Variants in CLTCL1 observed in about 807,000 individuals in gnomAD.
CLTCL1 encodes the protein clathrin heavy chain like 1.
A neutral mutation model predicts 190.0 loss-of-function variants in CLTCL1; 159 were observed. The observed-to-expected ratio is 0.84, with a 90% confidence interval of 0.74 to 0.95. The LOEUF (loss-of-function observed/expected upper bound fraction) is 0.95, where lower values mean the gene tolerates loss of function less well. Ranked by LOEUF, CLTCL1 falls within the 40% of genes least tolerant of loss-of-function variation. The pLI, the probability that CLTCL1 is intolerant of heterozygous loss-of-function variation, is 0.00. For missense variants in CLTCL1, 1,878 were observed against 2,033.4 expected, an observed-to-expected ratio of 0.92 and a Z score of 1.47; for synonymous variants, 752 against 769.6, an observed-to-expected ratio of 0.98 and a Z score of 0.38.
chr22:19,224,976 A>C (rs2085693774), intron 13 of CLTCL1, among the ~76,000 whole-genome samples: 1 of 152,194 alleles, frequency 6.6e-6, no homozygotes, highest in African/African-American at 2.4e-5. Context: ...ATGTCCAAGA[A>C]GGGGAAAGGA....
chr22:19,229,297 G>A (rs1259962649), intron 11 of CLTCL1, among the ~76,000 whole-genome samples: 1 of 152,188 alleles, frequency 6.6e-6, no homozygotes, highest in Non-Finnish European at 1.5e-5. Flanking sequence ...CAACATGGAT[G>A]AACCTTGAAA....
At chr22:19,208,735 A>G (rs2085127193) in intron 21 of CLTCL1, among the ~76,000 whole-genome samples, 187 bp downstream of exon 21, 1 of 151,934 alleles carries the variant, frequency 6.6e-6, no homozygotes, top group Non-Finnish European at 1.5e-5. Flanking sequence ...AGTCAACTAA[A>G]GAGCTGGTGT....
intron 24 of CLTCL1, among the ~76,000 whole-genome samples, chr22:19,197,865 G>C (rs2146297166): frequency 6.6e-6 from 1 of 152,194 alleles, no homozygotes; most frequent in Non-Finnish European, 1.5e-5. Context: ...TGGGCAGTCT[G>C]GTCTTTTCAC....
chr22:19,211,686 G>A (rs566025938), intron 19 of CLTCL1, among the ~76,000 whole-genome samples: 2 of 149,574 alleles, frequency 1.3e-5, no homozygotes, highest in African/African-American at 4.9e-5. Flanking sequence ...AGAATGGCAC[G>A]AACCCAGGAG....
At chr22:19,227,770 T>C (rs1555956907) in intron 11 of CLTCL1, among the ~76,000 whole-genome samples, 1 of 152,148 alleles carries the variant, frequency 6.6e-6, no homozygotes, top group East Asian at 1.9e-4. Flanking sequence ...CTAATTTTTA[T>C]ATTTTTTTGT....
chr22:19,254,102 C>A lies in CLTCL1; in HGVS notation c.376G>T (p.Ala126Ser). Residue 126 changes from alanine (A) to serine (S), a missense_variant, in exon 3 of 33, where the codon GCG becomes TCG. Coordinates refer to ENST00000427926, the MANE Select transcript of CLTCL1 (RefSeq NM_007098.4). ...VNTVALVTET[A>S]VYHWSMEGDS... is the part of the protein sequence containing the mutation. ...CCTTCCATGCTCCAGTGGTAGACCG[C>A]GGTCTCGGTCACCAAGGCAACAGTG... 6.2e-7 allele frequency: 1 copy of A among 1,613,082 alleles called. No individual in the cohort carries two copies.
intron 19 of CLTCL1, among the ~76,000 whole-genome samples, chr22:19,215,656 C>T (rs576557521): frequency 3.3e-5 from 5 of 152,322 alleles, no homozygotes; most frequent in Admixed American, 3.3e-4. Context: ...GTGCTGCTGC[C>T]CCTGCCACAG....
chr22:19,202,312 C>A (rs1299083760), intron 22 of CLTCL1, among the ~76,000 whole-genome samples: 5 of 151,948 alleles, frequency 3.3e-5, no homozygotes, highest in Non-Finnish European at 5.9e-5. Flanking sequence ...ATGGGTCTCT[C>A]TAAATTCATG....
chr22:19,231,081 G>C (rs2085905909), intron 10 of CLTCL1, among the ~76,000 whole-genome samples: 1 of 152,146 alleles, frequency 6.6e-6, no homozygotes, highest in Non-Finnish European at 1.5e-5. Context: ...CTCAGACTGA[G>C]AGTTACGCCT....
chr22:19,269,228 C>T (rs5993569), intron 2 of CLTCL1, among the ~76,000 whole-genome samples: 11,545 of 151,914 alleles, frequency 0.076, 579 homozygotes, highest in East Asian at 0.14. Flanking sequence ...GGTGAAACCC[C>T]GTCCCTACAA....
At chr22:19,210,605 T>A (rs534787136) in intron 19 of CLTCL1, 96 bp from the exon 20 acceptor site, 82 of 939,530 alleles carry the variant, frequency 8.7e-5, no homozygotes, top group Admixed American at 1.1e-4. Context: ...CCAGTTTTTT[T>A]AAAAAAGTAA....
At chr22:19,264,337 C>T (rs1555976964) in intron 2 of CLTCL1, among the ~76,000 whole-genome samples, 1 of 151,584 alleles carries the variant, frequency 6.6e-6, no homozygotes, top group Non-Finnish European at 1.5e-5. Context: ...ACCCTGTGCA[C>T]TACTGAGAAT....
At chr22:19,224,886 CT>C (rs1739666587) in intron 13 of CLTCL1, among the ~76,000 whole-genome samples, 1 of 152,214 alleles carries the variant, frequency 6.6e-6, no homozygotes, top group South Asian at 2.1e-4. Context: ...AGTCTCTATC[CT>C]GGGTGGGCCA....
intron 3 of CLTCL1, among the ~76,000 whole-genome samples, chr22:19,253,361 TC>T (rs1415333441): frequency 2.0e-4 from 30 of 152,246 alleles, no homozygotes; most frequent in African/African-American, 7.2e-4. Context: ...AAGACCTCCC[TC>T]CCTGCGGCAG....
intron 29 of CLTCL1, among the ~76,000 whole-genome samples, chr22:19,186,904 G>A (rs960476585): frequency 2.0e-5 from 3 of 151,360 alleles, no homozygotes; most frequent in Non-Finnish European, 2.9e-5. Flanking sequence ...TCCAGCCTTT[G>A]AATGTGATTT....
intron 17 of CLTCL1, 112 bp downstream of exon 17, chr22:19,221,265 C>T (rs1293752001): frequency 7.9e-6 from 6 of 761,832 alleles, no homozygotes; most frequent in Non-Finnish European, 1.3e-5. Context: ...ATCTCATGAC[C>T]TGCCATCTCC....
Position 19,188,078 on chromosome 22 carries a change from G to A in CLTCL1, c.4337C>T (p.Pro1446Leu), listed in dbSNP as rs1555929383. 3 of 1,614,026 alleles carry A rather than the reference G, an allele frequency of 1.9e-6. No homozygotes were observed. The highest frequency in any genetic ancestry group is 2.2e-5 in the East Asian group (1 of 44,890). The change falls in exon 28 of 33, where the codon CCC becomes CTC. Residue 1446 changes from proline (P) to leucine (L), a missense_variant. Coordinates refer to ENST00000427926, the MANE Select transcript of CLTCL1 (RefSeq NM_007098.4). The stretch of plus-strand genomic sequence containing the variant: ...TGACCGCAGGTAAGGCTTCACCAGG[G>A]GCAGCTGACCTGCCTGACAAGTTGA... ...VSFFSKAGQLPLVKPYLRSVQ... is the reference protein window; with the variant it reads ...VSFFSKAGQLLLVKPYLRSVQ...
intron 22 of CLTCL1, among the ~76,000 whole-genome samples, chr22:19,206,757 C>A (rs2085062833): frequency 6.6e-6 from 1 of 151,550 alleles, no homozygotes; most frequent in Admixed American, 6.6e-5. Context: ...TTATTCATTT[C>A]AATAAATTGC....
chr22:19,201,256 G>T, intron 23 of CLTCL1, 73 bp downstream of exon 23: 2 of 1,496,356 alleles, frequency 1.3e-6, no homozygotes, highest in South Asian at 1.3e-5. Flanking sequence ...GAAGAGTACC[G>T]AGCAGAACGC....
Sources: allele counts gnomAD v4.1 joint callset (sites outside exome capture counted in the v4.1 genomes callset), GRCh38; gene constraint gnomAD v4.1.1; transcripts MANE v1.5; gene names NCBI Gene and HGNC (gene_info 2026-07-23, HGNC 2026-07-21).